TMPRSS11D: variants seen among roughly 807,000 people sequenced by gnomAD.
TMPRSS11D encodes the protein transmembrane protease serine 11D.
A neutral mutation model predicts 44.4 loss-of-function variants in TMPRSS11D; 32 were observed. The ratio of observed to expected loss-of-function variants is 0.72; its 90% CI spans 0.54 to 0.97. The LOEUF (loss-of-function observed/expected upper bound fraction) is 0.97, where lower values mean the gene tolerates loss of function less well. TMPRSS11D is among the 50% of genes least tolerant of loss of function. The pLI, the probability that TMPRSS11D is intolerant of heterozygous loss-of-function variation, is 0.00. For missense variants in TMPRSS11D, 446 were observed against 502.6 expected, an observed-to-expected ratio of 0.89 and a Z score of 1.08; for synonymous variants, 179 against 177.9, an observed-to-expected ratio of 1.01 and a Z score of -0.05.
intron 3 of TMPRSS11D, among the ~76,000 whole-genome samples, chr4:67,847,507 T>C (rs1039183438): frequency 6.6e-6 from 1 of 152,196 alleles, no homozygotes; most frequent in African/African-American, 2.4e-5. Context: ...CTAGATAATA[T>C]AATCTTTCAA....
chr4:67,865,450 A>C (rs2109694686), intron 1 of TMPRSS11D, among the ~76,000 whole-genome samples: 1 of 152,010 alleles, frequency 6.6e-6, no homozygotes, highest in African/African-American at 2.4e-5. Flanking sequence ...CCAAACTCTA[A>C]ACTAGCAGAA....
chr4:67,845,992 C>A (rs1249423694), intron 3 of TMPRSS11D, among the ~76,000 whole-genome samples: 1 of 152,094 alleles, frequency 6.6e-6, no homozygotes, highest in Non-Finnish European at 1.5e-5. Flanking sequence ...TAATCACCTT[C>A]TTTAGTGCAT....
chr4:67,844,295 C>T (rs547156695), intron 3 of TMPRSS11D, among the ~76,000 whole-genome samples: 1 of 152,214 alleles, frequency 6.6e-6, no homozygotes, highest in East Asian at 1.9e-4. Flanking sequence ...CTTACTTTTT[C>T]AATATTCACT....
rs113579622 is a variant in TMPRSS11D at position 67,840,237 on chromosome 4, G to A, written c.318-1908C>T. ...AAGAAAAGAGGTCCTGCATGGCTGCGGAGGCCTCAGGAAATTTACAATCAT... is the reference window on the plus strand; with the variant it reads ...AAGAAAAGAGGTCCTGCATGGCTGCAGAGGCCTCAGGAAATTTACAATCAT... On this transcript the variant is annotated intron_variant, in intron 4 of 9. Transcript: ENST00000283916. 1.9e-3 allele frequency among the ~76,000 whole-genome samples: 291 copies of A among 152,088 alleles called. 2 individuals carry two copies. Among genetic ancestry groups the A allele is most frequent in the South Asian group, 0.017 (83 of 4,814 alleles).
intron 2 of TMPRSS11D, among the ~76,000 whole-genome samples, chr4:67,858,189 T>TA (rs1249375488): frequency 6.6e-6 from 1 of 152,166 alleles, no homozygotes; most frequent in African/African-American, 2.4e-5. Flanking sequence ...ATGCATTACT[T>TA]ACGCAGACAA....
At chr4:67,883,612 T>C (rs1719378030) in intron 1 of TMPRSS11D, among the ~76,000 whole-genome samples, 1 of 151,988 alleles carries the variant, frequency 6.6e-6, no homozygotes, top group Non-Finnish European at 1.5e-5. Flanking sequence ...AATTTTAAAA[T>C]CCACACACCA....
At chr4:67,829,940 A>G (rs1717905258) in intron 7 of TMPRSS11D, among the ~76,000 whole-genome samples, 1 of 152,026 alleles carries the variant, frequency 6.6e-6, no homozygotes, top group Admixed American at 6.6e-5. Context: ...GTATTCTGGT[A>G]TATTTAGCAG....
intron 1 of TMPRSS11D, among the ~76,000 whole-genome samples, chr4:67,877,446 C>CAG (rs554059498): frequency 6.6e-6 from 1 of 152,156 alleles, no homozygotes; most frequent in African/African-American, 2.4e-5. Context: ...CTGGGGGATT[C>CAG]AGAGAGAGAT....
intron 1 of TMPRSS11D, among the ~76,000 whole-genome samples, chr4:67,863,366 C>T (rs183067446): frequency 1.3e-5 from 2 of 150,268 alleles, no homozygotes; most frequent in Admixed American, 6.6e-5. Context: ...AGTTCAAAAC[C>T]GAACGTGGTA....
intron 1 of TMPRSS11D, among the ~76,000 whole-genome samples, chr4:67,882,828 AG>A (rs1270597696): frequency 2.6e-5 from 4 of 152,082 alleles, no homozygotes; most frequent in African/African-American, 9.6e-5. Context: ...AGCTTTACAA[AG>A]TAGTAGTTGA....
At chr4:67,841,720 C>T (rs890024843) in intron 4 of TMPRSS11D, among the ~76,000 whole-genome samples, 3 of 152,070 alleles carry the variant, frequency 2.0e-5, no homozygotes, top group South Asian at 2.1e-4. Context: ...CTGAATTGAC[C>T]GAAAGGTGTT....
intron 2 of TMPRSS11D, among the ~76,000 whole-genome samples, 159 bp from the exon 3 acceptor site, chr4:67,854,345 A>G (rs1026424845): frequency 6.6e-6 from 1 of 152,166 alleles, no homozygotes; most frequent in African/African-American, 2.4e-5. Flanking sequence ...TAAAATTATT[A>G]TCTTTTCAAT....
intron 7 of TMPRSS11D, among the ~76,000 whole-genome samples, chr4:67,828,190 A>G (rs954486705): frequency 6.6e-6 from 1 of 152,072 alleles, no homozygotes; most frequent in Admixed American, 6.6e-5. Context: ...ACTGAACAAG[A>G]TCTAGTTTGA....
intron 3 of TMPRSS11D, among the ~76,000 whole-genome samples, chr4:67,852,015 G>T (rs1476149023): frequency 2.6e-5 from 4 of 152,170 alleles, no homozygotes; most frequent in Admixed American, 1.3e-4. Context: ...AAGGATGGAT[G>T]CTAAGGGCCC....
At chr4:67,828,133 G>A (rs1444361513) in intron 7 of TMPRSS11D, among the ~76,000 whole-genome samples, 1 of 151,732 alleles carries the variant, frequency 6.6e-6, no homozygotes, top group Non-Finnish European at 1.5e-5. Context: ...ACTATGCATG[G>A]ATTTCAAAGA....
At position 67,837,558 on chromosome 4, in the gene TMPRSS11D, A is replaced by C. The variant is rs968427665; in HGVS notation, c.475+614T>G. Among the ~76,000 whole-genome samples the C allele has an allele frequency of 2.6e-5, 4 of 152,298 alleles. No homozygotes were observed. In the East Asian group the frequency reaches 5.8e-4, roughly 22 times the overall value. Reference sequence around the variant, plus strand: ...AGAAATAATGGCTTATTAAACTAGCAGAATGTAACCAACTTGGAGGAATGT... The same window carrying C: ...AGAAATAATGGCTTATTAAACTAGCCGAATGTAACCAACTTGGAGGAATGT... On this transcript the variant is annotated intron_variant, in intron 5 of 9. Transcript: ENST00000283916.
At chr4:67,826,254 T>G (rs1717789892) in intron 8 of TMPRSS11D, among the ~76,000 whole-genome samples, 1 of 152,128 alleles carries the variant, frequency 6.6e-6, no homozygotes, top group Admixed American at 6.6e-5. Flanking sequence ...GTTTCAAGGC[T>G]AAAGAACTAG....
chr4:67,837,231 G>T (rs1350466030), intron 5 of TMPRSS11D, among the ~76,000 whole-genome samples: 1 of 152,116 alleles, frequency 6.6e-6, no homozygotes, highest in Non-Finnish European at 1.5e-5. Flanking sequence ...GGAAGCAGAG[G>T]TAATATTCAA....
intron 1 of TMPRSS11D, among the ~76,000 whole-genome samples, chr4:67,868,612 G>A (rs986480841): frequency 1.3e-5 from 2 of 152,202 alleles, no homozygotes; most frequent in African/African-American, 4.8e-5. Flanking sequence ...AGTTGGCCCA[G>A]TGTGGTGGTT....
Sources: gnomAD v4.1 joint callset for allele counts (sites outside exome capture counted in the v4.1 genomes callset) on GRCh38, gnomAD v4.1.1 for gene constraint, MANE v1.5 for transcripts, NCBI Gene and HGNC (gene_info 2026-07-23, HGNC 2026-07-21) for gene names.